The following ATL2 variants were observed in gnomAD, a reference collection of about 807,000 sequenced individuals.
ATL2 encodes atlastin-2.
In ATL2, 31 loss-of-function variants were observed where a neutral mutation model predicts 73.9. The observed-to-expected ratio is 0.42, with a 90% confidence interval of 0.32 to 0.57. The LOEUF is 0.57. Ranked by LOEUF, ATL2 falls within the 20% of genes least tolerant of loss-of-function variation. ATL2 has a pLI of 0.14. For synonymous variants in ATL2, 291 were observed against 237.5 expected (o/e 1.23, Z -2.07); for missense variants, 738 against 702.6 (o/e 1.05, Z -0.57).
chr2:38,318,734 T>A, intron 3 of ATL2, 95 bp from the exon 4 acceptor site: 1 of 1,326,892 alleles, frequency 7.5e-7, no homozygotes, highest in Non-Finnish European at 1.0e-6. Flanking sequence ...AGTAATTAAA[T>A]CAAGAAAAGT....
chr2:38,301,263 C>G (rs1439946344), intron 9 of ATL2, among the ~76,000 whole-genome samples: 1 of 152,194 alleles, frequency 6.6e-6, no homozygotes, highest in African/African-American at 2.4e-5. Flanking sequence ...AGCCACCGTG[C>G]CTGGCTCATC....
intron 1 of ATL2, among the ~76,000 whole-genome samples, chr2:38,374,111 G>A (rs767487731): frequency 4.6e-5 from 7 of 151,814 alleles, no homozygotes; most frequent in African/African-American, 1.7e-4. Context: ...GGCTGGTCTC[G>A]AACTCCTGAC....
intron 1 of ATL2, among the ~76,000 whole-genome samples, chr2:38,366,917 GC>G (rs962075838): frequency 6.6e-6 from 1 of 152,026 alleles, no homozygotes; most frequent in Non-Finnish European, 1.5e-5. Context: ...ACTAACCCCA[GC>G]CCCTTCATGT....
intron 1 of ATL2, among the ~76,000 whole-genome samples, chr2:38,346,084 C>T (rs1670001683): frequency 6.6e-6 from 1 of 152,238 alleles, no homozygotes; most frequent in African/African-American, 2.4e-5. Flanking sequence ...CTGCCATCCA[C>T]CCATCTGCTC....
At position 38,309,389 on chromosome 2, in the gene ATL2, T is replaced by C. The variant is rs1667620931; in HGVS notation, c.1061A>G (p.Glu354Gly). 6.2e-7 allele frequency: 1 copy of C among 1,606,958 alleles called. No individual in the cohort carries two copies. The highest frequency in any genetic ancestry group is 8.5e-7 in the Non-Finnish European group (1 of 1,178,794). ...TAAGAGCTCACCTACCTTAAAATATTCTACAAGATCTCTACAAGTGACTTT... is the reference window on the plus strand; with the variant it reads ...TAAGAGCTCACCTACCTTAAAATATCCTACAAGATCTCTACAAGTGACTTT... ...GSKVTCRDLVEYFKAYIKIYQ... is the reference protein window; with the variant it reads ...GSKVTCRDLVGYFKAYIKIYQ... Residue 354 changes from glutamate (E) to glycine (G), a missense_variant, in exon 9 of 13, where the codon GAA becomes GGA. Transcript: ENST00000378954.
intron 9 of ATL2, among the ~76,000 whole-genome samples, chr2:38,305,626 T>C (rs10186609): frequency 0.025 from 3,811 of 152,024 alleles, 107 homozygotes; most frequent in African/African-American, 0.062. Context: ...TAACGAGGAA[T>C]TTTGGAAACT....
chr2:38,350,163 G>C (rs2175098), intron 1 of ATL2, among the ~76,000 whole-genome samples: 15,987 of 152,144 alleles, frequency 0.11, 2,771 homozygotes, highest in African/African-American at 0.36. Context: ...ATAGAATAGT[G>C]ATTTTATTTC....
chr2:38,335,140 G>A (rs556216915), intron 2 of ATL2, among the ~76,000 whole-genome samples: 7 of 151,458 alleles, frequency 4.6e-5, no homozygotes, highest in Middle Eastern at 3.4e-3. Context: ...TCACACTGCT[G>A]ATGGAAGTGT....
intron 2 of ATL2, among the ~76,000 whole-genome samples, chr2:38,325,960 C>T (rs1357356438): frequency 6.7e-6 from 1 of 148,744 alleles, no homozygotes; most frequent in East Asian, 2.0e-4. Context: ...CTCAGGCCCA[C>T]TAAAAAACTA....
Position 38,294,126 on chromosome 2 carries a change from A to G in ATL2, c.*1868T>C, listed in dbSNP as rs1334505575. ...AGAACAGATAAGTTAGCAATTTAATACAGATGAAAACAAATACAATCCATA... is the reference window on the plus strand; with the variant it reads ...AGAACAGATAAGTTAGCAATTTAATGCAGATGAAAACAAATACAATCCATA... On this transcript the variant is annotated 3_prime_UTR_variant, in exon 13 of 13. Coordinates refer to ENST00000378954, the MANE Select transcript of ATL2 (RefSeq NM_001135673.4). 6.6e-6 allele frequency among the ~76,000 whole-genome samples: 1 copy of G among 152,258 alleles called. No individual in the cohort carries two copies. The highest frequency in any genetic ancestry group is 1.5e-5 in the Non-Finnish European group (1 of 68,046).
intron 4 of ATL2, chr2:38,318,233 T>G (rs1327409141): frequency 4.6e-6 from 1 of 217,842 alleles, no homozygotes; most frequent in African/African-American, 2.3e-5. Flanking sequence ...ATCCCAGCAC[T>G]TGGGGAGGCC....
intron 10 of ATL2, among the ~76,000 whole-genome samples, chr2:38,300,049 T>A (rs999710459): frequency 1.3e-5 from 2 of 152,160 alleles, no homozygotes; most frequent in African/African-American, 4.8e-5. Context: ...TACTGAGGAC[T>A]CTTATTTCTG....
intron 2 of ATL2, among the ~76,000 whole-genome samples, chr2:38,339,447 A>C (rs550661044): frequency 6.6e-6 from 1 of 152,314 alleles, no homozygotes; most frequent in African/African-American, 2.4e-5. Flanking sequence ...AATCACACTA[A>C]TGATAACATT....
intron 2 of ATL2, among the ~76,000 whole-genome samples, chr2:38,334,052 C>T: frequency 9.6e-6 from 1 of 104,434 alleles, no homozygotes; most frequent in Admixed American, 1.0e-4. Context: ...TTTTTTGAGA[C>T]AGAGTCTCAC....
chr2:38,326,134 C>T (rs1296503562), intron 2 of ATL2, among the ~76,000 whole-genome samples: 3 of 152,120 alleles, frequency 2.0e-5, no homozygotes, highest in Non-Finnish European at 4.4e-5. Context: ...TTCTGCTCTC[C>T]TACACTTTAC....
At chr2:38,356,473 A>G (rs968053705) in intron 1 of ATL2, among the ~76,000 whole-genome samples, 7 of 152,092 alleles carry the variant, frequency 4.6e-5, no homozygotes, top group African/African-American at 1.7e-4. Flanking sequence ...GATTACAGGC[A>G]TGAGCCACCA....
chr2:38,317,147 G>C lies in ATL2; in HGVS notation c.603+1388C>G, dbSNP rs577113923. The stretch of plus-strand genomic sequence containing the variant: ...CGAGTCATATGTTCCAGACATTACT[G>C]GAAAGCATAAAAAAATCCAAGACAC... On this transcript the variant is annotated intron_variant, in intron 4 of 12. Coordinates refer to ENST00000378954, the MANE Select transcript of ATL2 (RefSeq NM_001135673.4). Among the ~76,000 whole-genome samples the C allele has an allele frequency of 7.2e-5, 11 of 152,098 alleles. No individual in the cohort carries two copies. The South Asian group carries it at 2.3e-3, about 32-fold the overall frequency.
At chr2:38,362,849 G>A (rs1671088339) in intron 1 of ATL2, among the ~76,000 whole-genome samples, 1 of 152,180 alleles carries the variant, frequency 6.6e-6, no homozygotes, top group South Asian at 2.1e-4. Flanking sequence ...GGAGGCAGGA[G>A]TTGTCATTGA....
intron 11 of ATL2, 131 bp downstream of exon 11, chr2:38,299,124 AG>A (rs1280417512): frequency 2.7e-6 from 2 of 747,974 alleles, no homozygotes; most frequent in Non-Finnish European, 3.8e-6. Context: ...AAGACCATAA[AG>A]GGGAATTAGG....
Sources: allele counts gnomAD v4.1 joint callset (sites outside exome capture counted in the v4.1 genomes callset), GRCh38; gene constraint gnomAD v4.1.1; transcripts MANE v1.5; gene names NCBI Gene and HGNC (gene_info 2026-07-23, HGNC 2026-07-21).